The following DACH2 variants were observed in gnomAD, a reference collection of about 807,000 sequenced individuals.
DACH2 encodes the protein dachshund family transcription factor 2, also known as dachshund homolog 2.
DACH2 carries 17 observed loss-of-function variants against 35.8 expected under a neutral mutation model. That is an observed-to-expected ratio of 0.48 (90% CI 0.33 to 0.71). The LOEUF is 0.71. Ranked by LOEUF, DACH2 falls within the 30% of genes least tolerant of loss-of-function variation. The pLI, the probability that DACH2 is intolerant of heterozygous loss-of-function variation, is 0.02. For missense variants in DACH2, 469 were observed against 472.7 expected (o/e 0.99, Z 0.07); for synonymous variants, 195 against 177.3 (o/e 1.10, Z -0.79).
chrX:86,218,465 A>G (rs1781683640), intron 1 of DACH2, among the ~76,000 whole-genome samples: 1 of 112,028 alleles, frequency 8.9e-6, no homozygotes, highest in Non-Finnish European at 1.9e-5. Flanking sequence ...ATTACTGACA[A>G]TCAGTGAAAT....
intron 11 of DACH2, among the ~76,000 whole-genome samples, chrX:86,819,070 A>G (rs1191784882): frequency 9.2e-6 from 1 of 108,367 alleles, no homozygotes; most frequent in Admixed American, 1.0e-4. Context: ...ATATGTATAT[A>G]ATACATCTCT....
intron 3 of DACH2, among the ~76,000 whole-genome samples, chrX:86,583,770 AGT>A: frequency 9.2e-6 from 1 of 109,255 alleles, no homozygotes; most frequent in Middle Eastern, 4.7e-3. Context: ...ACTTGGTCAT[AGT>A]GTGTGTGTGA....
At chrX:86,662,449 A>G (rs1448147822) in intron 4 of DACH2, among the ~76,000 whole-genome samples, 1 of 111,193 alleles carries the variant, frequency 9.0e-6, no homozygotes, top group African/African-American at 3.3e-5. Flanking sequence ...AATACAAAAA[A>G]TTAGCCGGGC....
chrX:86,813,259 G>C lies in DACH2; in HGVS notation c.1519G>C (p.Val507Leu). 1 of 1,200,066 alleles carries C rather than the reference G, an allele frequency of 8.3e-7. No individual in the cohort carries two copies. Residue 507 changes from valine (V) to leucine (L), a missense_variant, in exon 9 of 12, where the codon GTT (valine) becomes CTT (leucine). Coordinates refer to ENST00000373125, the MANE Select transcript of DACH2 (RefSeq NM_053281.3). ...AGAAAACCTTGAAAGACAACTTGCAGTTGAGCTTCAAAGCAGAAGTAAGTT... is the reference window on the plus strand; with the variant it reads ...AGAAAACCTTGAAAGACAACTTGCACTTGAGCTTCAAAGCAGAAGTAAGTT... ...IRENLERQLA[V>L]ELQSRTTMQK...
At chrX:86,152,271 C>T (rs2030393018) in intron 1 of DACH2, among the ~76,000 whole-genome samples, 1 of 110,505 alleles carries the variant, frequency 9.0e-6, no homozygotes. Flanking sequence ...GAGTACAAGT[C>T]CTGACTTAGA....
intron 1 of DACH2, among the ~76,000 whole-genome samples, chrX:86,300,162 C>T (rs925609271): frequency 1.3e-4 from 14 of 110,467 alleles, no homozygotes; most frequent in East Asian, 8.6e-4. Flanking sequence ...ACCCATTAGC[C>T]GTTAATTATA....
chrX:86,219,053 A>T (rs1305385277), intron 1 of DACH2, among the ~76,000 whole-genome samples: 2 of 112,220 alleles, frequency 1.8e-5, no homozygotes, highest in African/African-American at 6.5e-5. Flanking sequence ...ACATAATTTT[A>T]GTAATAATTG....
chrX:86,404,882 A>T (rs984573037), intron 2 of DACH2, among the ~76,000 whole-genome samples: 7 of 112,085 alleles, frequency 6.2e-5, no homozygotes, highest in Non-Finnish European at 1.3e-4. Context: ...TATTTGGAGG[A>T]TTCCAGATCT....
chrX:86,328,307 A>C (rs754106816), intron 1 of DACH2, among the ~76,000 whole-genome samples: 1 of 111,724 alleles, frequency 9.0e-6, no homozygotes, highest in Non-Finnish European at 1.9e-5. Context: ...GCATATTATT[A>C]GTAATGTAAT....
intron 2 of DACH2, among the ~76,000 whole-genome samples, chrX:86,441,319 A>G (rs2037157455): frequency 9.0e-6 from 1 of 111,251 alleles, no homozygotes; most frequent in African/African-American, 3.3e-5. Flanking sequence ...CTCTGTCTCC[A>G]TTAGTTCGAC....
chrX:86,320,719 A>G (rs1450556750), intron 1 of DACH2, among the ~76,000 whole-genome samples: 1 of 112,406 alleles, frequency 8.9e-6, no homozygotes, highest in Middle Eastern at 4.2e-3. Flanking sequence ...TCCTTGGTTA[A>G]GTAGCCATTG....
At chrX:86,764,083 T>C (rs1363033412) in intron 7 of DACH2, among the ~76,000 whole-genome samples, 1 of 111,889 alleles carries the variant, frequency 8.9e-6, no homozygotes, top group African/African-American at 3.3e-5. Context: ...AGCTTAAAAA[T>C]GAATTGAATC....
chrX:86,594,588 G>T (rs917836128), intron 3 of DACH2, among the ~76,000 whole-genome samples: 1 of 110,651 alleles, frequency 9.0e-6, no homozygotes, highest in Non-Finnish European at 1.9e-5. Flanking sequence ...AACGTGTTAT[G>T]TAGAAATGTG....
At chrX:86,630,417 TACAC>T (rs1206168722) in intron 3 of DACH2, among the ~76,000 whole-genome samples, 4 of 105,146 alleles carry the variant, frequency 3.8e-5, no homozygotes, top group East Asian at 3.2e-4. Flanking sequence ...CATATATATA[TACAC>T]ACATATATAT....
chrX:86,434,437 C>T (rs930483169), intron 2 of DACH2, among the ~76,000 whole-genome samples: 1 of 112,064 alleles, frequency 8.9e-6, no homozygotes, highest in Non-Finnish European at 1.9e-5. Context: ...TTTTCTCAAT[C>T]TATCTCAGAA....
intron 1 of DACH2, among the ~76,000 whole-genome samples, chrX:86,297,167 G>A (rs2034482589): frequency 9.2e-6 from 1 of 108,337 alleles, no homozygotes; most frequent in South Asian, 4.0e-4. Context: ...TCAATTTTCA[G>A]AATATTATGG....
intron 7 of DACH2, among the ~76,000 whole-genome samples, chrX:86,761,516 A>T (rs2041881889): frequency 9.0e-6 from 1 of 111,433 alleles, no homozygotes; most frequent in African/African-American, 3.3e-5. Context: ...AGAACCAGAG[A>T]TACCATTTGA....
chrX:86,371,985 C>A (rs2035892982), intron 1 of DACH2, among the ~76,000 whole-genome samples: 1 of 110,975 alleles, frequency 9.0e-6, no homozygotes, highest in African/African-American at 3.3e-5. Flanking sequence ...AAGATATTAC[C>A]TGTGTGAGGG....
chrX:86,581,825 A>C (rs981472580), intron 3 of DACH2, among the ~76,000 whole-genome samples: 1 of 111,472 alleles, frequency 9.0e-6, no homozygotes, highest in Non-Finnish European at 1.9e-5. Context: ...AGTGTTAGAC[A>C]GATTATTGAG....
Sources: gnomAD v4.1 joint callset for allele counts (sites outside exome capture counted in the v4.1 genomes callset) on GRCh38, gnomAD v4.1.1 for gene constraint, MANE v1.5 for transcripts, NCBI Gene and HGNC (gene_info 2026-07-23, HGNC 2026-07-21) for gene names.